Variants in HROB observed in about 807,000 individuals in gnomAD.
HROB encodes the protein homologous recombination OB-fold protein.
A neutral mutation model predicts 61.0 loss-of-function variants in HROB; 44 were observed. The ratio of observed to expected loss-of-function variants is 0.72; its 90% CI spans 0.57 to 0.93. HROB has a LOEUF of 0.93. Among genes scored for constraint, HROB ranks in the 40% least tolerant of loss-of-function variants. The pLI is 0.00. For missense variants in HROB, 716 were observed against 796.2 expected (o/e 0.90, Z 1.21); for synonymous variants, 301 against 310.4 (o/e 0.97, Z 0.32).
intron 3 of HROB, 60 bp from the exon 4 acceptor site, chr17:44,150,901 T>C (rs2053782523): frequency 1.4e-6 from 2 of 1,384,278 alleles, no homozygotes; most frequent in Admixed American, 3.6e-5. Context: ...GACAATAAGC[T>C]GTACTTGTAA....
At position 44,142,009 on chromosome 17, in the gene HROB, C is replaced by T. The variant is rs2053455955; in HGVS notation, c.-134C>T. 12 of 1,258,716 alleles carry T rather than the reference C, an allele frequency of 9.5e-6. No individual in the cohort carries two copies. Among genetic ancestry groups the T allele is most frequent in the Middle Eastern group, 1.9e-4 (1 of 5,316 alleles). 78.0% of individuals were successfully genotyped at this position (1,258,716 alleles called of 1,614,324 possible). ...CTTTCCCTATATCGCAGAGACTCAT[C>T]CCTCTGACCCCAGCCCGGAAGCACT... is the stretch of plus-strand genomic sequence containing the variant. On this transcript the variant is annotated 5_prime_UTR_variant, in exon 1 of 10. Coordinates refer to ENST00000585683, the MANE Select transcript of HROB (RefSeq NM_001171251.3).
chr17:44,155,470 T>C, intron 8 of HROB, 59 bp downstream of exon 8: 1 of 1,597,650 alleles, frequency 6.3e-7, no homozygotes, highest in Admixed American at 1.7e-5. Flanking sequence ...CTGGATCTTC[T>C]GATTTCTTCC....
chr17:44,162,346 C>T lies in HROB; in HGVS notation c.*414C>T. Reference sequence around the variant, plus strand: ...CCTGCCCCTCCACACAGGGGAGAAGCACGCTCAGGCTTCCTCTGCTTTGTC... The same window carrying T: ...CCTGCCCCTCCACACAGGGGAGAAGTACGCTCAGGCTTCCTCTGCTTTGTC... On this transcript the variant is annotated 3_prime_UTR_variant, in exon 10 of 10. Coordinates refer to ENST00000585683, the MANE Select transcript of HROB (RefSeq NM_001171251.3). 7 of 185,584 alleles carry T rather than the reference C, an allele frequency of 3.8e-5. No individual in the cohort carries two copies. Among genetic ancestry groups the T allele is most frequent in the South Asian group, 2.2e-4 (2 of 8,966 alleles). 11.5% of individuals were successfully genotyped at this position (185,584 alleles called of 1,614,324 possible).
At position 44,148,146 on chromosome 17, in the gene HROB, A is replaced by G. The variant is rs1266922636; in HGVS notation, c.343A>G (p.Arg115Gly). The change falls in exon 3 of 10, where the codon AGA becomes GGA. Residue 115 changes from arginine to glycine, a missense_variant. By Grantham distance (125) the Arg-to-Gly change is moderately radical. Transcript: ENST00000585683. Reference sequence around the variant, plus strand: ...TTCCAGCAGCTGGATTGGCAATCAGAGAAGAGTGACAGTGACAGAAGTGCT... The same window carrying G: ...TTCCAGCAGCTGGATTGGCAATCAGGGAAGAGTGACAGTGACAGAAGTGCT... ...STSSSWIGNQ[R>G]RVTVTEVLRE... 21 of 1,614,020 alleles carry G rather than the reference A, an allele frequency of 1.3e-5. No individual in the cohort carries two copies. The highest frequency in any genetic ancestry group is 1.8e-5 in the Non-Finnish European group (21 of 1,180,042).
chr17:44,160,290 G>A (rs1367733083), intron 9 of HROB, among the ~76,000 whole-genome samples: 1 of 152,092 alleles, frequency 6.6e-6, no homozygotes, highest in Non-Finnish European at 1.5e-5. Flanking sequence ...ATATATAGCT[G>A]GGCACGGTGG....
In HROB at chr17:44,161,966, A is replaced by G. The variant is rs1336982235; in HGVS notation, c.*34A>G. 3 of 1,601,448 alleles carry G rather than the reference A, an allele frequency of 1.9e-6. No homozygotes were observed. Among genetic ancestry groups the G allele is most frequent in the Non-Finnish European group, 1.7e-6 (2 of 1,168,688 alleles). The stretch of plus-strand genomic sequence containing the variant: ...CAACGCAGGACAACCCACCATGAGC[A>G]GGCAGCTCTGGGCATGTGTCTGGTC... On this transcript the variant is annotated 3_prime_UTR_variant, in exon 10 of 10. Transcript: ENST00000585683.
chr17:44,148,790 G>A lies in HROB; in HGVS notation c.987G>A (p.Arg329=). The A allele has an allele frequency of 6.2e-7, 1 of 1,614,162 alleles. No homozygotes were observed. The highest frequency in any genetic ancestry group is 8.5e-7 in the Non-Finnish European group (1 of 1,180,030). ...ACTCAAGCTGTTCTACTCCCTCAAGGACTAGCTCTGGATTATTTCCTCGGA... is the reference window on the plus strand; with the variant it reads ...ACTCAAGCTGTTCTACTCCCTCAAGAACTAGCTCTGGATTATTTCCTCGGA... ...TPNSSCSTPS[R]TSSGLFPRIP... The change falls in exon 3 of 10, where the codon AGG becomes AGA. Residue 329 remains arginine, a synonymous_variant. Transcript: ENST00000585683.
At chr17:44,150,264 G>A (rs867038529) in intron 3 of HROB, among the ~76,000 whole-genome samples, 14 of 152,266 alleles carry the variant, frequency 9.2e-5, no homozygotes, top group Middle Eastern at 6.8e-3. Flanking sequence ...TCCCTAGCAT[G>A]TTAGCAGATA....
chr17:44,162,167 A>G lies in HROB; in HGVS notation c.*235A>G. ...GAATCCGGCCGGAGACTGGCTCTCC[A>G]GCCAACAAGAAAGGCCTGTCACCCT... On this transcript the variant is annotated 3_prime_UTR_variant, in exon 10 of 10. Transcript: ENST00000585683. The G allele has an allele frequency of 2.0e-6, 1 of 505,962 alleles. No homozygotes were observed. The highest frequency in any genetic ancestry group is 3.5e-6 in the Non-Finnish European group (1 of 282,862). The allele number at this position is 505,962 out of a possible 1,614,324, so 31.3% of individuals were successfully genotyped here. A position where few individuals can be genotyped will look rare whatever the true frequency, so the allele number is the denominator to read the frequency against.
Position 44,154,783 on chromosome 17 carries a change from C to G in HROB, c.1559-70C>G, listed in dbSNP as rs2144039536. 3 of 1,597,568 alleles carry G rather than the reference C, an allele frequency of 1.9e-6. No homozygotes were observed. The East Asian group carries it at 6.7e-5, about 36-fold the overall frequency. ...CTGAGGCAGTGAGCAGCCCACTTCC[C>G]AGCCAGGGCCCATACCAGTCGCTGT... On this transcript the variant is annotated intron_variant, in intron 6 of 9. Transcript: ENST00000585683.
chr17:44,148,606 T>C lies in HROB; in HGVS notation c.803T>C (p.Val268Ala). Residue 268 changes from valine (V) to alanine (A), a missense_variant, in exon 3 of 10, where the codon GTC (valine) becomes GCC (alanine). Val to Ala is a moderately conservative substitution (Grantham distance 64). Coordinates refer to ENST00000585683, the MANE Select transcript of HROB (RefSeq NM_001171251.3). ...CCCACTCAGCAACTCCACTGGGAAG[T>C]CTGTCCGCAACGCTCCCCTGTTCAA... The part of the protein sequence containing the change: ...TVPTQQLHWE[V>A]CPQRSPVQAL... 1.2e-6 allele frequency: 2 copies of C among 1,613,704 alleles called. No homozygotes were observed. Among genetic ancestry groups the C allele is most frequent in the Non-Finnish European group, 8.5e-7 (1 of 1,180,018 alleles).
At chr17:44,158,655 T>A (rs1437994814) in intron 9 of HROB, among the ~76,000 whole-genome samples, 1 of 151,428 alleles carries the variant, frequency 6.6e-6, no homozygotes, top group Non-Finnish European at 1.5e-5. Flanking sequence ...GCAATTTTTT[T>A]TTTTTTTTGA....
Position 44,145,269 on chromosome 17 carries a change from T to A in HROB, c.54+16T>A, listed in dbSNP as rs536741686. ...TGAAGATGAGGTAGGGAAGTGTTGATGATCAGAGGTGGCAGACGAGGTCTT... is the reference window on the plus strand; with the variant it reads ...TGAAGATGAGGTAGGGAAGTGTTGAAGATCAGAGGTGGCAGACGAGGTCTT... On this transcript the variant is annotated intron_variant, in intron 2 of 9. Transcript: ENST00000585683. 2.5e-6 allele frequency: 4 copies of A among 1,613,514 alleles called. No individual in the cohort carries two copies. The highest frequency in any genetic ancestry group is 3.4e-6 in the Non-Finnish European group (4 of 1,179,546).
chr17:44,149,160 A>G (rs1050006317), intron 3 of HROB, 133 bp downstream of exon 3: 9 of 963,392 alleles, frequency 9.3e-6, no homozygotes, highest in Non-Finnish European at 1.3e-5. Flanking sequence ...TCAAAGCTGC[A>G]GGAGAAATAA....
rs755117394 is a variant in HROB at position 44,148,774 on chromosome 17, G to C, written c.971G>C (p.Cys324Ser). Residue 324 changes from cysteine to serine, a missense_variant, in exon 3 of 10, where the codon TGT (cysteine) becomes TCT (serine). Coordinates refer to ENST00000585683, the MANE Select transcript of HROB (RefSeq NM_001171251.3). ...LPRPRTPNSS[C>S]STPSRTSSGL... Reference sequence around the variant, plus strand: ...AGACCTCGAACTCCCAACTCAAGCTGTTCTACTCCCTCAAGGACTAGCTCT... The same window carrying C: ...AGACCTCGAACTCCCAACTCAAGCTCTTCTACTCCCTCAAGGACTAGCTCT... 11 of 1,614,024 alleles carry C rather than the reference G, an allele frequency of 6.8e-6. No individual in the cohort carries two copies. The highest frequency in any genetic ancestry group is 9.3e-6 in the Non-Finnish European group (11 of 1,180,024).
At chr17:44,144,247 C>T (rs1037621469) in intron 1 of HROB, among the ~76,000 whole-genome samples, 2 of 152,038 alleles carry the variant, frequency 1.3e-5, no homozygotes, top group Non-Finnish European at 2.9e-5. Flanking sequence ...TCAAGCGATT[C>T]TCCTGCCTCA....
At chr17:44,144,042 A>G (rs899177327) in intron 1 of HROB, among the ~76,000 whole-genome samples, 2 of 151,110 alleles carry the variant, frequency 1.3e-5, no homozygotes, top group African/African-American at 4.9e-5. Context: ...CAGTGGTGCA[A>G]TCTTGGCTCA....
chr17:44,142,024 C>G lies in HROB; in HGVS notation c.-119C>G, dbSNP rs1486202389. 2.9e-6 allele frequency: 4 copies of G among 1,376,902 alleles called. No individual in the cohort carries two copies. The highest frequency in any genetic ancestry group is 3.0e-5 in the African/African-American group (2 of 67,018). 85.3% of individuals were successfully genotyped at this position (1,376,902 alleles called of 1,614,324 possible). A position where few individuals can be genotyped will look rare whatever the true frequency, so the allele number is the denominator to read the frequency against. ...AGAGACTCATCCCTCTGACCCCAGC[C>G]CGGAAGCACTGTCCCTCGGAGTCCG... On this transcript the variant is annotated 5_prime_UTR_variant, in exon 1 of 10. Coordinates refer to ENST00000585683, the MANE Select transcript of HROB (RefSeq NM_001171251.3).
intron 3 of HROB, 83 bp from the exon 4 acceptor site, chr17:44,150,878 A>C: frequency 1.7e-6 from 2 of 1,187,380 alleles, no homozygotes; most frequent in Admixed American, 2.0e-5. Context: ...TCCTGAACTC[A>C]TTATGTAAAC....
Sources: gnomAD v4.1 joint callset for allele counts (sites outside exome capture counted in the v4.1 genomes callset) on GRCh38, gnomAD v4.1.1 for gene constraint, MANE v1.5 for transcripts, NCBI Gene and HGNC (gene_info 2026-07-23, HGNC 2026-07-21) for gene names.